The following DNAH14 variants were observed in gnomAD, a reference collection of about 807,000 sequenced individuals.
The protein encoded by DNAH14 is dynein axonemal heavy chain 14.
In DNAH14, 478 loss-of-function variants were observed where a neutral mutation model predicts 520.9. The observed-to-expected ratio is 0.92, with a 90% CI of 0.85 to 0.99. DNAH14 has a LOEUF of 0.99. DNAH14 is among the 50% of genes least tolerant of loss of function. DNAH14 has a pLI of 0.00. For synonymous variants in DNAH14, 1,581 were observed against 1,757.2 expected, an observed-to-expected ratio of 0.90 and a Z score of 2.51; for missense variants, 4,831 against 5,234.5, an observed-to-expected ratio of 0.92 and a Z score of 2.38.
At chr1:225,154,644 T>A (rs2149107237) in intron 34 of DNAH14, among the ~76,000 whole-genome samples, 1 of 152,170 alleles carries the variant, frequency 6.6e-6, no homozygotes, top group South Asian at 2.1e-4. Flanking sequence ...GCCATCAGGA[T>A]AAAGATCAAG....
In DNAH14 at chr1:225,340,520, T is replaced by C. The variant is rs980344117; in HGVS notation, c.10497T>C (p.Thr3499=). 6.4e-7 allele frequency: 1 copy of C among 1,551,308 alleles called. No homozygotes were observed. Among genetic ancestry groups the C allele is most frequent in the African/African-American group, 1.4e-5 (1 of 73,046 alleles). ...TTCCATCAGTTTATAACTTTGTTAC[T>C]ATGATCAACTTCACTGTAACATTCC... The part of the protein sequence containing the change: ...HFLPSVYNFV[T]MINFTVTFQG... The change falls in exon 69 of 86, where the codon ACT becomes ACC. Residue 3499 remains threonine, a synonymous_variant. Transcript: ENST00000682510.
intron 10 of DNAH14, among the ~76,000 whole-genome samples, chr1:225,007,767 T>C (rs2064297238): frequency 6.6e-6 from 1 of 151,968 alleles, no homozygotes; most frequent in Non-Finnish European, 1.5e-5. Flanking sequence ...TGAATGCATA[T>C]ATGTGTATAT....
intron 51 of DNAH14, among the ~76,000 whole-genome samples, 175 bp from the exon 52 acceptor site, chr1:225,272,780 A>T (rs1283819245): frequency 6.6e-6 from 1 of 152,124 alleles, no homozygotes; most frequent in East Asian, 1.9e-4. Flanking sequence ...TCCCTATCTT[A>T]TCACTTTCCC....
chr1:225,307,822 T>G (rs961583853), intron 59 of DNAH14, among the ~76,000 whole-genome samples: 3 of 152,226 alleles, frequency 2.0e-5, no homozygotes, highest in African/African-American at 7.2e-5. Flanking sequence ...AGTAGGTATA[T>G]AGCTAACTGT....
Position 225,217,205 on chromosome 1 carries a change from G to C in DNAH14, c.6439+9985G>C, listed in dbSNP as rs536234436. On this transcript the variant is annotated intron_variant, in intron 41 of 85. Coordinates refer to ENST00000682510, the MANE Select transcript of DNAH14 (RefSeq NM_001367479.1). ...GTTTGCCTGGGTATCACCAGCGGAG[G>C]CTGCAGAACAGCAAATATTGCAGAA... Among the ~76,000 whole-genome samples the C allele has an allele frequency of 3.3e-5, 5 of 151,728 alleles. No homozygotes were observed. The East Asian group carries it at 9.6e-4, about 29-fold the overall frequency.
intron 8 of DNAH14, among the ~76,000 whole-genome samples, chr1:224,980,185 C>T (rs2062160314): frequency 6.6e-6 from 1 of 152,176 alleles, no homozygotes; most frequent in Non-Finnish European, 1.5e-5. Context: ...CAAGTAGACT[C>T]TTGGTGTCCC....
chr1:225,060,457 G>A (rs1416470594), intron 17 of DNAH14, among the ~76,000 whole-genome samples: 2 of 151,856 alleles, frequency 1.3e-5, no homozygotes, highest in African/African-American at 2.4e-5. Context: ...CCATTGGTTC[G>A]ACCTTCCTCC....
intron 64 of DNAH14, 69 bp downstream of exon 64, chr1:225,324,901 T>G (rs2094624869): frequency 8.3e-7 from 1 of 1,200,240 alleles, no homozygotes; most frequent in African/African-American, 1.5e-5. Flanking sequence ...TCAGGAGAGC[T>G]TATCAGTTTC....
intron 35 of DNAH14, among the ~76,000 whole-genome samples, chr1:225,159,791 A>G (rs947075608): frequency 1.3e-5 from 2 of 152,170 alleles, no homozygotes; most frequent in Admixed American, 1.3e-4. Context: ...CCCACTTTGA[A>G]AGGGTGCCTA....
chr1:225,384,634 T>C (rs2095819054), intron 81 of DNAH14, among the ~76,000 whole-genome samples: 1 of 151,984 alleles, frequency 6.6e-6, no homozygotes, highest in Admixed American at 6.6e-5. Flanking sequence ...CTAGAAGAAA[T>C]GGATAAATTC....
At chr1:224,988,642 C>A (rs1221725725) in intron 8 of DNAH14, among the ~76,000 whole-genome samples, 1 of 152,142 alleles carries the variant, frequency 6.6e-6, no homozygotes, top group Non-Finnish European at 1.5e-5. Flanking sequence ...GAATATAAAT[C>A]ATTCTATTAC....
intron 3 of DNAH14, among the ~76,000 whole-genome samples, chr1:224,958,204 G>A (rs2060627896): frequency 6.6e-6 from 1 of 152,078 alleles, no homozygotes. Context: ...AAAGGTAAAG[G>A]TTTAGAGATT....
intron 27 of DNAH14, among the ~76,000 whole-genome samples, chr1:225,135,520 C>G (rs1189442016): frequency 6.6e-6 from 1 of 151,884 alleles, no homozygotes; most frequent in Non-Finnish European, 1.5e-5. Context: ...TCTGAGAGAC[C>G]ATTATGATTT....
At chr1:225,142,315 T>G (rs1218992639) in intron 28 of DNAH14, among the ~76,000 whole-genome samples, 1 of 152,204 alleles carries the variant, frequency 6.6e-6, no homozygotes, top group East Asian at 1.9e-4. Context: ...CAAGGTACCC[T>G]AAGCCACCAT....
intron 44 of DNAH14, among the ~76,000 whole-genome samples, chr1:225,256,229 C>G (rs1163922879): frequency 6.6e-6 from 1 of 152,056 alleles, no homozygotes; most frequent in Non-Finnish European, 1.5e-5. Flanking sequence ...CATATACAAA[C>G]AACAACCAGT....
intron 58 of DNAH14, among the ~76,000 whole-genome samples, chr1:225,306,516 T>C (rs685029): frequency 0.59 from 89,108 of 151,860 alleles, 26,997 homozygotes; most frequent in East Asian, 0.79. Context: ...GTTTAATGAA[T>C]CTTCCTCTCA....
chr1:225,107,002 G>T (rs565630985), intron 23 of DNAH14, among the ~76,000 whole-genome samples: 53 of 152,166 alleles, frequency 3.5e-4, no homozygotes. Flanking sequence ...CCCTATCTTT[G>T]TGGTTTTATC....
At chr1:225,360,973 G>T in intron 75 of DNAH14, 82 bp downstream of exon 75, 1 of 1,272,336 alleles carries the variant, frequency 7.9e-7, no homozygotes, top group Non-Finnish European at 1.1e-6. Flanking sequence ...AATGTATACT[G>T]TGTGTAAACA....
At chr1:225,387,934 A>AAGGGGC (rs1206641344) in intron 81 of DNAH14, among the ~76,000 whole-genome samples, 20 of 152,106 alleles carry the variant, frequency 1.3e-4, no homozygotes, top group Admixed American at 5.9e-4. Flanking sequence ...CTGAATCCAC[A>AAGGGGC]AGGGGCAGGG....
Sources: allele counts gnomAD v4.1 joint callset (sites outside exome capture counted in the v4.1 genomes callset), GRCh38; gene constraint gnomAD v4.1.1; transcripts MANE v1.5; gene names NCBI Gene and HGNC (gene_info 2026-07-23, HGNC 2026-07-21).